CHD1: variants seen among roughly 807,000 people sequenced by gnomAD.
The protein encoded by CHD1 is ATP-dependent chromatin remodeler CHD1.
Under a neutral mutation model 224.2 loss-of-function variants are expected in CHD1, and 36 were observed. The ratio of observed to expected loss-of-function variants is 0.16; its 90% CI spans 0.12 to 0.21. CHD1 has a LOEUF of 0.21. Among genes scored for constraint, CHD1 ranks in the 10% least tolerant of loss-of-function variants. CHD1 has a pLI of 1.00. For missense variants in CHD1, 1,378 were observed against 1,994.8 expected (o/e 0.69, Z 5.89); for synonymous variants, 668 against 658.3 (o/e 1.01, Z -0.23).
chr5:98,913,567 T>TTA (rs1286349462), intron 2 of CHD1, among the ~76,000 whole-genome samples: 1 of 152,246 alleles, frequency 6.6e-6, no homozygotes, highest in African/African-American at 2.4e-5. Context: ...ACTAACTTGA[T>TTA]GTTCTGAAGT....
Position 98,899,561 on chromosome 5 carries a change from T to G in CHD1, c.1004A>C (p.Glu335Ala). ...AACATTCTGCTGCTTGAGGGTTTCT[T>G]CTGTCTCCCAAGTGTTGTGGATATG... ...WSHIHNTWET[E>A]ETLKQQNVRG... Residue 335 changes from glutamate (E) to alanine (A), a missense_variant, in exon 8 of 36, where the codon GAA (glutamate) becomes GCA (alanine). By Grantham distance (107) the Glu-to-Ala change is moderately radical. Around this residue, in one of 16 missense-constraint regions of CHD1, gnomAD observed 6 missense variants for 37.0 expected, o/e 0.16. Transcript: ENST00000614616. The G allele has an allele frequency of 6.2e-7, 1 of 1,613,956 alleles. No homozygotes were observed. Among genetic ancestry groups the G allele is most frequent in the Non-Finnish European group, 8.5e-7 (1 of 1,179,904 alleles).
chr5:98,903,765 AAAT>A (rs1244692896), intron 4 of CHD1, 24 bp downstream of exon 4: 2 of 1,483,432 alleles, frequency 1.3e-6, no homozygotes, highest in Non-Finnish European at 9.4e-7. Flanking sequence ...TCCACTTTTA[AAAT>A]AATAGCTCAT....
intron 1 of CHD1, 102 bp downstream of exon 1, chr5:98,928,437 C>T (rs1272349883): frequency 1.9e-5 from 3 of 154,246 alleles, no homozygotes; most frequent in Non-Finnish European, 4.3e-5. Flanking sequence ...CTTCACCCGG[C>T]CGCTGGGCCG....
chr5:98,865,138 A>G (rs967850638), intron 31 of CHD1, among the ~76,000 whole-genome samples: 1 of 152,242 alleles, frequency 6.6e-6, no homozygotes, highest in Non-Finnish European at 1.5e-5. Flanking sequence ...GTTTGAGAGG[A>G]CACCTAAAGA....
At chr5:98,893,763 A>G (rs895232528) in intron 13 of CHD1, among the ~76,000 whole-genome samples, 157 bp from the exon 14 acceptor site, 3 of 152,172 alleles carry the variant, frequency 2.0e-5, no homozygotes, top group African/African-American at 7.2e-5. Flanking sequence ...ATTACAATAC[A>G]TAAGTAACTC....
Position 98,854,978 on chromosome 5 carries a change from G to A in CHD1, c.*1402C>T, listed in dbSNP as rs1173272261. 2 of 152,076 alleles carry A rather than the reference G, an allele frequency of 1.3e-5. No homozygotes were observed. The highest frequency in any genetic ancestry group is 4.8e-5 in the African/African-American group (2 of 41,418). 9.4% of individuals were successfully genotyped at this position (152,076 alleles called of 1,614,324 possible). On this transcript the variant is annotated 3_prime_UTR_variant, in exon 36 of 36. Coordinates refer to ENST00000614616, the MANE Select transcript of CHD1 (RefSeq NM_001270.4). ...TAATAATATCTGTAGGAAGCCAAAAGGGGCCAACAAAAATGTCTATGACCT... is the reference window on the plus strand; with the variant it reads ...TAATAATATCTGTAGGAAGCCAAAAAGGGCCAACAAAAATGTCTATGACCT...
chr5:98,893,809 G>C (rs1200463285), intron 13 of CHD1, among the ~76,000 whole-genome samples: 1 of 152,020 alleles, frequency 6.6e-6, no homozygotes, highest in African/African-American at 2.4e-5. Flanking sequence ...TTAACCACTA[G>C]AATGTAATAT....
chr5:98,900,711 C>G (rs987200020), intron 7 of CHD1, 100 bp downstream of exon 7: 1 of 1,070,654 alleles, frequency 9.3e-7, no homozygotes, highest in South Asian at 1.6e-5. Context: ...CTCGGCCCCC[C>G]AAAGTACTGG....
At chr5:98,926,737 G>C (rs1185159435) in intron 1 of CHD1, among the ~76,000 whole-genome samples, 1 of 152,050 alleles carries the variant, frequency 6.6e-6, no homozygotes, top group African/African-American at 2.4e-5. Flanking sequence ...GTATGCTACT[G>C]CTAATATACT....
intron 25 of CHD1, among the ~76,000 whole-genome samples, chr5:98,874,563 T>A (rs1315697766): frequency 1.4e-5 from 2 of 140,596 alleles, no homozygotes; most frequent in Non-Finnish European, 3.1e-5. Context: ...AAAAAAAAAA[T>A]TAGCTGGGTG....
intron 5 of CHD1, 85 bp downstream of exon 5, chr5:98,902,815 T>C: frequency 1.2e-6 from 1 of 828,730 alleles, no homozygotes; most frequent in Non-Finnish European, 1.9e-6. Context: ...GAGTCTCCTT[T>C]TGGCAACAAT....
chr5:98,908,183 G>GCTACAT (rs1225417220), intron 2 of CHD1, among the ~76,000 whole-genome samples: 1 of 152,084 alleles, frequency 6.6e-6, no homozygotes, highest in Non-Finnish European at 1.5e-5. Context: ...GCTATGGCAA[G>GCTACAT]CTACATGTAA....
At chr5:98,866,218 G>A (rs1483705437) in intron 31 of CHD1, among the ~76,000 whole-genome samples, 3 of 152,116 alleles carry the variant, frequency 2.0e-5, no homozygotes, top group African/African-American at 7.2e-5. Context: ...AAAGTCCAGA[G>A]ATAAAAAATA....
intron 23 of CHD1, among the ~76,000 whole-genome samples, chr5:98,878,146 G>C (rs940298747): frequency 9.9e-5 from 15 of 152,190 alleles, no homozygotes; most frequent in African/African-American, 3.6e-4. Context: ...CCAAAACTCG[G>C]AGGACCTGCA....
intron 2 of CHD1, among the ~76,000 whole-genome samples, chr5:98,918,494 G>A (rs1177666134): frequency 2.0e-5 from 3 of 151,032 alleles, no homozygotes; most frequent in African/African-American, 7.3e-5. Flanking sequence ...CCTGAGCCGG[G>A]CGCGGGAGCT....
chr5:98,869,511 G>A (rs909534905), intron 30 of CHD1: 5 of 395,350 alleles, frequency 1.3e-5, no homozygotes, highest in African/African-American at 8.4e-5. Context: ...GTTTGAAAAG[G>A]AAGGACCTTT....
intron 34 of CHD1, chr5:98,858,692 A>G (rs1293971304): frequency 2.4e-6 from 1 of 418,650 alleles, no homozygotes; most frequent in Non-Finnish European, 4.2e-6. Context: ...CATAAAAAAG[A>G]ATATTTGTTC....
intron 2 of CHD1, among the ~76,000 whole-genome samples, chr5:98,910,967 T>A (rs1430162028): frequency 1.3e-5 from 2 of 151,148 alleles, no homozygotes; most frequent in East Asian, 3.9e-4. Context: ...TGTAAACTCA[T>A]CCTCTCTGAA....
intron 2 of CHD1, among the ~76,000 whole-genome samples, chr5:98,924,398 T>A (rs1331861228): frequency 6.6e-6 from 1 of 152,256 alleles, no homozygotes; most frequent in Admixed American, 6.5e-5. Context: ...CTCTGGTGAT[T>A]CTAGTAAAAC....
Sources: gnomAD v4.1 joint callset for allele counts (sites outside exome capture counted in the v4.1 genomes callset) on GRCh38, gnomAD v4.1.1 for gene constraint, gnomAD v4.1.1 regional missense constraint, MANE v1.5 for transcripts, NCBI Gene and HGNC (gene_info 2026-07-23, HGNC 2026-07-21) for gene names.